TRPM3: variants seen among roughly 807,000 people sequenced by gnomAD.
The protein encoded by TRPM3 is long transient receptor potential channel 3.
TRPM3 carries 77 observed loss-of-function variants against 181.2 expected under a neutral mutation model. The observed-to-expected ratio is 0.42, with a 90% CI of 0.35 to 0.51. The LOEUF is 0.51. Ranked by LOEUF, TRPM3 falls within the 20% of genes least tolerant of loss-of-function variation. The pLI, the probability that TRPM3 is intolerant of heterozygous loss-of-function variation, is 0.01. For synonymous variants in TRPM3, 745 were observed against 796.4 expected (o/e 0.94, Z 1.09); for missense variants, 1,759 against 2,196.7 (o/e 0.80, Z 3.98).
At chr9:70,592,529 C>G (rs752342204) in intron 21 of TRPM3, among the ~76,000 whole-genome samples, 2 of 152,068 alleles carry the variant, frequency 1.3e-5, no homozygotes, top group Non-Finnish European at 2.9e-5. Flanking sequence ...TTCATTATGC[C>G]CTTCATAAGT....
chr9:70,948,925 C>G (rs999747424), intron 1 of TRPM3, among the ~76,000 whole-genome samples: 5 of 152,168 alleles, frequency 3.3e-5, no homozygotes, highest in Admixed American at 2.0e-4. Flanking sequence ...TTACTACAGA[C>G]AGGCCTGCTG....
At chr9:70,949,567 G>A (rs1281442640) in intron 1 of TRPM3, among the ~76,000 whole-genome samples, 2 of 151,384 alleles carry the variant, frequency 1.3e-5, no homozygotes, top group African/African-American at 2.4e-5. Context: ...TTAGTGATGG[G>A]GTCTTGGTCT....
chr9:71,134,303 G>A (rs190285262), intron 1 of TRPM3, among the ~76,000 whole-genome samples: 5 of 152,030 alleles, frequency 3.3e-5, no homozygotes, highest in Admixed American at 6.5e-5. Flanking sequence ...AGTGGCTCAC[G>A]CCTGTAATCC....
At chr9:70,856,691 C>T (rs1039649114) in intron 3 of TRPM3, among the ~76,000 whole-genome samples, 1 of 152,034 alleles carries the variant, frequency 6.6e-6, no homozygotes, top group African/African-American at 2.4e-5. Flanking sequence ...ATAGTTAGAG[C>T]TTTAAGTGTG....
chr9:71,032,018 TATA>T lies in TRPM3; in HGVS notation c.177+89157_177+89159del, dbSNP rs150033376. 0.026 allele frequency among the ~76,000 whole-genome samples: 47 copies of T among 1,828 alleles called. 5 individuals are homozygous for T. The East Asian group carries it at 0.31, about 12-fold the overall frequency. The allele number at this position is 1,828 out of a possible 152,430, so 1.2% of individuals were successfully genotyped here. A position where few individuals can be genotyped will look rare whatever the true frequency, so the allele number is the denominator to read the frequency against. On this transcript the variant is annotated intron_variant, in intron 1 of 25. Coordinates refer to ENST00000677713, the MANE Select transcript of TRPM3 (RefSeq NM_001366145.2). ...ATATATAATTATATAATATATAATA[TATA>T]TATATAATATAAATATATATATATA...
intron 1 of TRPM3, among the ~76,000 whole-genome samples, chr9:71,393,060 G>A (rs1209352297): frequency 1.3e-5 from 2 of 152,088 alleles, no homozygotes; most frequent in African/African-American, 2.4e-5. Flanking sequence ...ACTGGATACC[G>A]TGTTTCTAAT....
At chr9:70,992,519 A>G (rs1247150728) in intron 1 of TRPM3, among the ~76,000 whole-genome samples, 3 of 152,188 alleles carry the variant, frequency 2.0e-5, no homozygotes, top group Non-Finnish European at 4.4e-5. Context: ...TGAAGCTTAT[A>G]ATGTAGAGCA....
chr9:71,125,839 A>C (rs2073999608), upstream of TRPM3, among the ~76,000 whole-genome samples: 1 of 152,236 alleles, frequency 6.6e-6, no homozygotes, highest in African/African-American at 2.4e-5. Flanking sequence ...ACATGTCAAA[A>C]GCAATTGCAA....
At chr9:71,035,757 A>T (rs187173092) in intron 1 of TRPM3, among the ~76,000 whole-genome samples, 12 of 152,120 alleles carry the variant, frequency 7.9e-5, no homozygotes, top group Admixed American at 7.2e-4. Flanking sequence ...AAAACAAAAA[A>T]TGTACTCCTT....
At chr9:71,135,173 T>C (rs758941279) in intron 1 of TRPM3, among the ~76,000 whole-genome samples, 6 of 152,220 alleles carry the variant, frequency 3.9e-5, no homozygotes, top group Non-Finnish European at 7.3e-5. Flanking sequence ...TCATCTTCCA[T>C]TGGTATCTTA....
At chr9:70,842,927 G>C in intron 5 of TRPM3, 76 bp downstream of exon 5, 1 of 1,476,126 alleles carries the variant, frequency 6.8e-7, no homozygotes, top group South Asian at 1.2e-5. Flanking sequence ...TGCACATTTT[G>C]AATACTAATT....
chr9:71,228,093 T>G (rs2080809158), intron 1 of TRPM3, among the ~76,000 whole-genome samples: 1 of 152,130 alleles, frequency 6.6e-6, no homozygotes, highest in Non-Finnish European at 1.5e-5. Context: ...AGCAATATAC[T>G]AGCAAACTGA....
chr9:71,275,936 G>T (rs1259395628), intron 1 of TRPM3, among the ~76,000 whole-genome samples: 24 of 151,848 alleles, frequency 1.6e-4, no homozygotes, highest in African/African-American at 5.6e-4. Flanking sequence ...CCACCTCCCG[G>T]GTTCACGCCA....
intron 1 of TRPM3, chr9:70,917,156 T>G: frequency 6.2e-7 from 1 of 1,605,920 alleles, no homozygotes; most frequent in Non-Finnish European, 8.5e-7. Context: ...TGGGGCATAC[T>G]GGTCCAGTTC....
chr9:71,444,439 C>T (rs1044517912), intron 1 of TRPM3, among the ~76,000 whole-genome samples: 15 of 151,894 alleles, frequency 9.9e-5, no homozygotes, highest in African/African-American at 3.4e-4. Context: ...GAGTGAACCC[C>T]TCATATTTTC....
intron 12 of TRPM3, among the ~76,000 whole-genome samples, chr9:70,632,128 C>A (rs1178650552): frequency 6.6e-6 from 1 of 152,062 alleles, no homozygotes; most frequent in Non-Finnish European, 1.5e-5. Flanking sequence ...TTATTATTTT[C>A]TTTAATTTTG....
intron 22 of TRPM3, among the ~76,000 whole-genome samples, chr9:70,581,132 C>G (rs1230390696): frequency 6.6e-6 from 1 of 152,198 alleles, no homozygotes; most frequent in Non-Finnish European, 1.5e-5. Context: ...ACATATATGT[C>G]CAGTGTAAAA....
intron 1 of TRPM3, among the ~76,000 whole-genome samples, chr9:71,052,867 A>G (rs1703166911): frequency 6.6e-6 from 1 of 152,064 alleles, no homozygotes; most frequent in South Asian, 2.1e-4. Flanking sequence ...AAAGAACAGG[A>G]GTCCATGTGA....
At chr9:71,257,718 T>G (rs2082761608) in intron 1 of TRPM3, among the ~76,000 whole-genome samples, 1 of 152,214 alleles carries the variant, frequency 6.6e-6, no homozygotes, top group Non-Finnish European at 1.5e-5. Context: ...CAAGTGAATG[T>G]ATCTTTGTAC....
Sources: allele counts gnomAD v4.1 joint callset (sites outside exome capture counted in the v4.1 genomes callset), GRCh38; gene constraint gnomAD v4.1.1; transcripts MANE v1.5; gene names NCBI Gene and HGNC (gene_info 2026-07-23, HGNC 2026-07-21).